AR: variants seen among roughly 807,000 people sequenced by gnomAD.
The protein encoded by AR is androgen receptor, also known as dihydrotestosterone receptor.
A neutral mutation model predicts 53.9 loss-of-function variants in AR; 8 were observed. The observed-to-expected ratio is 0.15, with a 90% confidence interval of 0.09 to 0.27. The LOEUF (loss-of-function observed/expected upper bound fraction) is 0.27. Ranked by LOEUF, AR falls within the 10% of genes least tolerant of loss-of-function variation. AR has a pLI of 1.00. For synonymous variants in AR, 359 were observed against 316.4 expected, an observed-to-expected ratio of 1.13 and a Z score of -1.43; for missense variants, 639 against 742.5, an observed-to-expected ratio of 0.86 and a Z score of 1.62.
intron 1 of AR, among the ~76,000 whole-genome samples, chrX:67,610,663 A>G (rs1229287058): frequency 9.0e-6 from 1 of 111,434 alleles, no homozygotes; most frequent in Admixed American, 9.6e-5. Context: ...ATGCTTTTCC[A>G]TATCGGTATA....
intron 1 of AR, among the ~76,000 whole-genome samples, chrX:67,572,448 AT>A (rs974734198): frequency 3.0e-4 from 33 of 111,821 alleles, no homozygotes; most frequent in Non-Finnish European, 5.8e-4. Context: ...TCCTTTAATT[AT>A]TAAAAAAGAA....
At chrX:67,640,895 G>A (rs1925726641) in intron 1 of AR, among the ~76,000 whole-genome samples, 1 of 110,855 alleles carries the variant, frequency 9.0e-6, no homozygotes, top group African/African-American at 3.3e-5. Context: ...CTCATCTTTA[G>A]CAGTCTGCAC....
At chrX:67,572,902 T>A (rs963373189) in intron 1 of AR, among the ~76,000 whole-genome samples, 1 of 111,762 alleles carries the variant, frequency 8.9e-6, no homozygotes, top group Non-Finnish European at 1.9e-5. Context: ...TATCAAAAAA[T>A]TATTGCGTAC....
chrX:67,641,265 T>C (rs1208466709), intron 1 of AR, among the ~76,000 whole-genome samples: 1 of 111,924 alleles, frequency 8.9e-6, no homozygotes, highest in East Asian at 2.8e-4. Context: ...AATATAGGGA[T>C]GATACACAGC....
At chrX:67,598,926 G>A (rs929115613) in intron 1 of AR, among the ~76,000 whole-genome samples, 1 of 111,286 alleles carries the variant, frequency 9.0e-6, no homozygotes, top group Admixed American at 9.6e-5. Flanking sequence ...TCCTGAGGGA[G>A]CTATCTAGAT....
At chrX:67,676,898 T>G (rs1445316363) in intron 2 of AR, among the ~76,000 whole-genome samples, 1 of 111,791 alleles carries the variant, frequency 8.9e-6, no homozygotes, top group African/African-American at 3.3e-5. Flanking sequence ...TGAACATTCC[T>G]GCCTGGCTGA....
intron 1 of AR, among the ~76,000 whole-genome samples, chrX:67,595,545 T>C (rs1444732264): frequency 9.1e-6 from 1 of 110,004 alleles, no homozygotes; most frequent in Admixed American, 9.8e-5. Flanking sequence ...ATGTTTCCCA[T>C]AGAATTCACA....
chrX:67,568,248 G>T (rs565001359), intron 1 of AR, among the ~76,000 whole-genome samples: 6 of 111,597 alleles, frequency 5.4e-5, no homozygotes, highest in African/African-American at 2.0e-4. Context: ...GTGCTTCTTC[G>T]CTAGACACGA....
intron 2 of AR, among the ~76,000 whole-genome samples, chrX:67,667,710 A>G (rs1927342815): frequency 9.0e-6 from 1 of 111,220 alleles, no homozygotes; most frequent in African/African-American, 3.3e-5. Flanking sequence ...ATATCCTTCT[A>G]TTATTTGGAT....
At chrX:67,584,355 A>C (rs1040551472) in intron 1 of AR, among the ~76,000 whole-genome samples, 10 of 112,144 alleles carry the variant, frequency 8.9e-5, no homozygotes, top group Non-Finnish European at 1.9e-4. Flanking sequence ...TTTGTGAAGA[A>C]AAGTGAATTG....
intron 2 of AR, among the ~76,000 whole-genome samples, chrX:67,669,316 A>T (rs1927423575): frequency 9.0e-6 from 1 of 111,570 alleles, no homozygotes; most frequent in African/African-American, 3.2e-5. Context: ...ATTCCAGAGT[A>T]TACTGTTTAA....
intron 3 of AR, chrX:67,694,857 G>A (rs761111445): frequency 1.9e-6 from 2 of 1,076,041 alleles, no homozygotes; most frequent in Admixed American, 7.4e-5. Context: ...GGGGTTGGGG[G>A]CTACTCTCTT....
intron 3 of AR, chrX:67,695,585 T>C: frequency 1.3e-6 from 1 of 753,885 alleles, no homozygotes; most frequent in Non-Finnish European, 1.6e-6. Context: ...AATATCTTGT[T>C]CTCTCTCTGC....
intron 1 of AR, among the ~76,000 whole-genome samples, chrX:67,637,959 A>T (rs923575603): frequency 9.0e-6 from 1 of 110,707 alleles, no homozygotes; most frequent in African/African-American, 3.3e-5. Context: ...ATTTCTCCTA[A>T]TGCTATTCCC....
intron 3 of AR, among the ~76,000 whole-genome samples, chrX:67,693,545 C>G (rs2076005532): frequency 8.9e-6 from 1 of 111,885 alleles, no homozygotes; most frequent in South Asian, 3.7e-4. Flanking sequence ...AAAATATTTT[C>G]TTTTTATACT....
rs1168252297 is a variant in AR, at chrX:67,695,265, G to A, written c.1885+9139G>A. The A allele has an allele frequency of 9.3e-6, 7 of 752,221 alleles. No homozygotes were observed. The Admixed American group carries it at 4.4e-4, about 47-fold the overall frequency. 62.0% of individuals were successfully genotyped at this position (752,221 alleles called of 1,213,427 possible). ...TTAGGTTCTAGCCTTCTGGATCCCA[G>A]CCAGTGACCTAGATCTTAGCCTCAG... On this transcript the variant is annotated intron_variant, in intron 3 of 7. Transcript: ENST00000374690.
chrX:67,704,684 C>T (rs1324559733), intron 3 of AR, among the ~76,000 whole-genome samples: 2 of 111,653 alleles, frequency 1.8e-5, no homozygotes, highest in East Asian at 2.8e-4. Flanking sequence ...GCTTTTGTTG[C>T]CATTGCTTTT....
chrX:67,545,540 G>A lies in AR; in HGVS notation c.394G>A (p.Val132Ile), dbSNP rs770661499. Residue 132 changes from valine to isoleucine, a missense_variant, in exon 1 of 8, where the codon GTC becomes ATC. Coordinates refer to ENST00000374690, the MANE Select transcript of AR (RefSeq NM_000044.6). Reference sequence around the variant, plus strand: ...GGAGTGCCACCCCGAGAGAGGTTGCGTCCCAGAGCCTGGAGCCGCCGTGGC... The same window carrying A: ...GGAGTGCCACCCCGAGAGAGGTTGCATCCCAGAGCCTGGAGCCGCCGTGGC... Reference protein sequence around the residue: ...ALECHPERGCVPEPGAAVAAS... With the variant: ...ALECHPERGCIPEPGAAVAAS... 3.1e-5 allele frequency: 37 copies of A among 1,184,048 alleles called. No homozygotes were observed. The highest frequency in any genetic ancestry group is 4.2e-5 in the Non-Finnish European group (37 of 881,682).
At chrX:67,654,374 C>T (rs1365308612) in intron 2 of AR, among the ~76,000 whole-genome samples, 1 of 111,138 alleles carries the variant, frequency 9.0e-6, no homozygotes, top group Non-Finnish European at 1.9e-5. Context: ...TAAGATTTCA[C>T]TTCTCTTTAG....
Sources: gnomAD v4.1 joint callset for allele counts (sites outside exome capture counted in the v4.1 genomes callset) on GRCh38, gnomAD v4.1.1 for gene constraint, MANE v1.5 for transcripts, NCBI Gene and HGNC (gene_info 2026-07-23, HGNC 2026-07-21) for gene names.